The following DHX33 variants were observed in gnomAD, a reference collection of about 807,000 sequenced individuals.
DHX33 encodes the protein DEAH-box helicase 33.
DHX33 carries 42 observed loss-of-function variants against 72.5 expected under a neutral mutation model. The ratio of observed to expected loss-of-function variants is 0.58; its 90% CI spans 0.45 to 0.75. The LOEUF (loss-of-function observed/expected upper bound fraction) is 0.75. Ranked by LOEUF, DHX33 falls within the 30% of genes least tolerant of loss-of-function variation. The pLI is 0.00. For synonymous variants in DHX33, 358 were observed against 366.1 expected, an observed-to-expected ratio of 0.98 and a Z score of 0.25; for missense variants, 842 against 917.5, an observed-to-expected ratio of 0.92 and a Z score of 1.06.
At chr17:5,461,394 C>T (rs541898219) in intron 3 of DHX33, 13 of 187,540 alleles carry the variant, frequency 6.9e-5, no homozygotes, top group African/African-American at 9.4e-5. Context: ...CCGAGGCAGG[C>T]GGATCACGAG....
intron 5 of DHX33, 91 bp from the exon 6 acceptor site, chr17:5,455,362 C>T (rs1224874299): frequency 1.2e-5 from 12 of 1,011,538 alleles, no homozygotes; most frequent in Non-Finnish European, 1.7e-5. Context: ...TTCCACAATT[C>T]ACTCTTGACC....
At chr17:5,456,389 G>A (rs571234111) in intron 4 of DHX33, among the ~76,000 whole-genome samples, 5 of 152,364 alleles carry the variant, frequency 3.3e-5, no homozygotes, top group African/African-American at 1.2e-4. Context: ...GCTCACGCCT[G>A]TAAACCCAGC....
intron 11 of DHX33, 146 bp downstream of exon 11, chr17:5,448,663 T>G (rs986470121): frequency 8.1e-6 from 4 of 495,740 alleles, no homozygotes; most frequent in African/African-American, 2.0e-5. Context: ...ATTGTGGAAT[T>G]GTGGGTAACT....
chr17:5,446,186 G>A (rs1013540402), intron 11 of DHX33, among the ~76,000 whole-genome samples: 1 of 152,202 alleles, frequency 6.6e-6, no homozygotes, highest in Non-Finnish European at 1.5e-5. Context: ...TGTTGGTCAG[G>A]CTGATTTCGA....
intron 1 of DHX33, among the ~76,000 whole-genome samples, chr17:5,467,025 G>T (rs887680517): frequency 2.0e-5 from 3 of 152,174 alleles, no homozygotes; most frequent in African/African-American, 7.2e-5. Context: ...GGCCAGGTGC[G>T]GTGGCTCACG....
rs193164831 is a variant in DHX33 at position 5,447,548 on chromosome 17, C to T, written c.1815+1261G>A. Among the ~76,000 whole-genome samples the T allele has an allele frequency of 7.9e-5, 12 of 151,952 alleles. No individual in the cohort carries two copies. In the East Asian group the frequency reaches 1.7e-3, roughly 22 times the overall value. ...CTGAGGCAGGAGAATTGCTTGAACA[C>T]GGGAGGCAGAGGTTGTGGTGAGCCA... On this transcript the variant is annotated intron_variant, in intron 11 of 11. Coordinates refer to ENST00000225296, the MANE Select transcript of DHX33 (RefSeq NM_020162.4).
chr17:5,468,897 G>A lies in DHX33; in HGVS notation c.-38C>T. 6.5e-7 allele frequency: 1 copy of A among 1,547,776 alleles called. No individual in the cohort carries two copies. The highest frequency in any genetic ancestry group is 8.7e-7 in the Non-Finnish European group (1 of 1,146,052). On this transcript the variant is annotated 5_prime_UTR_variant, in exon 1 of 12. Coordinates refer to ENST00000225296, the MANE Select transcript of DHX33 (RefSeq NM_020162.4). ...CCGCGGCGGGAGGCGCAAGCGCCGA[G>A]AGCTCCTGCCCCCTCTCAGGTGCAG...
At position 5,443,399 on chromosome 17, in the gene DHX33, T is replaced by C. The variant is rs373321995; in HGVS notation, c.*806A>G. 6.6e-6 allele frequency: 1 copy of C among 152,146 alleles called. No individual in the cohort carries two copies. The highest frequency in any genetic ancestry group is 1.5e-5 in the Non-Finnish European group (1 of 68,040). 9.4% of individuals were successfully genotyped at this position (152,146 alleles called of 1,614,324 possible). A position where few individuals can be genotyped will look rare whatever the true frequency, so the allele number is the denominator to read the frequency against. ...AAAACACTGATAGGTCAGTTTCCCATGTCTACACGTGACAGGATTCAGAAG... is the reference window on the plus strand; with the variant it reads ...AAAACACTGATAGGTCAGTTTCCCACGTCTACACGTGACAGGATTCAGAAG... On this transcript the variant is annotated 3_prime_UTR_variant, in exon 12 of 12. Coordinates refer to ENST00000225296, the MANE Select transcript of DHX33 (RefSeq NM_020162.4).
chr17:5,452,407 G>A (rs1369157415), intron 8 of DHX33, among the ~76,000 whole-genome samples: 4 of 152,168 alleles, frequency 2.6e-5, no homozygotes, highest in Non-Finnish European at 1.5e-5. Context: ...GGGCATGGTG[G>A]TGCACACCTG....
Position 5,441,577 on chromosome 17 carries a change from A to G in DHX33, c.*2628T>C, listed in dbSNP as rs752666709. On this transcript the variant is annotated 3_prime_UTR_variant, in exon 12 of 12. Coordinates refer to ENST00000225296, the MANE Select transcript of DHX33 (RefSeq NM_020162.4). ...AACTTTCTTAAGTTTAAAGTGTACT[A>G]TCTCCTGCAGCTCAATATAAACAAC... The G allele has an allele frequency of 3.9e-5, 6 of 152,230 alleles. No homozygotes were observed. Among genetic ancestry groups the G allele is most frequent in the South Asian group, 2.1e-4 (1 of 4,828 alleles). The allele number at this position is 152,230 out of a possible 1,614,324, so 9.4% of individuals were successfully genotyped here. A position where few individuals can be genotyped will look rare whatever the true frequency, so the allele number is the denominator to read the frequency against.
intron 10 of DHX33, 109 bp downstream of exon 10, chr17:5,450,094 T>C: frequency 7.5e-7 from 1 of 1,342,122 alleles, no homozygotes; most frequent in South Asian, 1.3e-5. Context: ...TTTAGATAAT[T>C]TAGCCAAAAA....
Position 5,452,818 on chromosome 17 carries a change from G to C in DHX33, c.1396+762C>G, listed in dbSNP as rs147788624. Among the ~76,000 whole-genome samples, 569 of 152,306 alleles carry C rather than the reference G, an allele frequency of 3.7e-3. 6 individuals carry two copies. Among genetic ancestry groups the C allele is most frequent in the African/African-American group, 0.013 (551 of 41,560 alleles). ...AAGTCTACTAGAAAATGGTTCCAGT[G>C]GTTGTTCTAGGGGAAGGAAACTGTG... On this transcript the variant is annotated intron_variant, in intron 8 of 11. Transcript: ENST00000225296.
Position 5,468,459 on chromosome 17 carries a change from T to C in DHX33, c.289+112A>G, listed in dbSNP as rs1904977160. 3 of 1,350,820 alleles carry C rather than the reference T, an allele frequency of 2.2e-6. No individual in the cohort carries two copies. The South Asian group carries it at 4.3e-5, about 19-fold the overall frequency. The allele number at this position is 1,350,820 out of a possible 1,614,324, so 83.7% of individuals were successfully genotyped here. A position where few individuals can be genotyped will look rare whatever the true frequency, so the allele number is the denominator to read the frequency against. On this transcript the variant is annotated intron_variant, in intron 1 of 11. Transcript: ENST00000225296. ...CTCCAGGTCTGGCCCAGAAAAGGTA[T>C]TCAGGTTTGTTGAAGCCACGAACGA... is the stretch of plus-strand genomic sequence containing the variant.
Position 5,444,665 on chromosome 17 carries a change from C to A in DHX33, c.1816-152G>T. ...GGATTCTGACATTCGGAGGTGGTCACCAAGGATCAGCAAGGTCAGGGGAAG... is the reference window on the plus strand; with the variant it reads ...GGATTCTGACATTCGGAGGTGGTCAACAAGGATCAGCAAGGTCAGGGGAAG... On this transcript the variant is annotated intron_variant, in intron 11 of 11. Transcript: ENST00000225296. The surrounding 1 kb of genome is among the most constrained non-coding windows in gnomAD (Gnocchi z 4.9). The A allele has an allele frequency of 1.2e-6, 1 of 843,278 alleles. No individual in the cohort carries two copies. The highest frequency in any genetic ancestry group is 1.8e-6 in the Non-Finnish European group (1 of 553,566). The allele number at this position is 843,278 out of a possible 1,614,324, so 52.2% of individuals were successfully genotyped here.
chr17:5,464,925 A>G (rs953557026), intron 1 of DHX33, among the ~76,000 whole-genome samples: 2 of 152,188 alleles, frequency 1.3e-5, no homozygotes, highest in African/African-American at 4.8e-5. Context: ...CTGGCTGCAC[A>G]GTGGCCCTCC....
At chr17:5,465,334 T>A (rs999011449) in intron 1 of DHX33, among the ~76,000 whole-genome samples, 32 of 152,210 alleles carry the variant, frequency 2.1e-4, no homozygotes, top group African/African-American at 7.5e-4. Flanking sequence ...GACAAAGGAT[T>A]TGATTATTCT....
rs1916876807 is a variant in DHX33, at chr17:5,450,929, T to C, written c.1402A>G (p.Ile468Val). 6.2e-7 allele frequency: 1 copy of C among 1,613,860 alleles called. No individual in the cohort carries two copies. Among genetic ancestry groups the C allele is most frequent in the South Asian group, 1.1e-5 (1 of 91,010 alleles). The change falls in exon 9 of 12, where the codon ATT (isoleucine) becomes GTT (valine). Residue 468 changes from isoleucine to valine, a missense_variant. By Grantham distance (29) the Ile-to-Val change is conservative. Transcript: ENST00000225296. The part of the protein sequence containing the change: ...DFMSKPSPDH[I>V]QAAIAQLDLL... ...TCCAGTTGGGCAATGGCCGCCTGAA[T>C]GTGATCTAAAGAAACAGAGACATAA... is the stretch of plus-strand genomic sequence containing the variant.
At chr17:5,452,265 C>T (rs1261062080) in intron 8 of DHX33, among the ~76,000 whole-genome samples, 3 of 152,194 alleles carry the variant, frequency 2.0e-5, no homozygotes, top group African/African-American at 4.8e-5. Context: ...ACAGGCTGGG[C>T]GTGGTGGCTC....
chr17:5,468,589 C>T lies in DHX33; in HGVS notation c.271G>A (p.Asp91Asn), dbSNP rs758579042. 2 of 1,608,732 alleles carry T rather than the reference C, an allele frequency of 1.2e-6. No individual in the cohort carries two copies. Among genetic ancestry groups the T allele is most frequent in the Admixed American group, 1.7e-5 (1 of 59,560 alleles). ...GQLLAQLRNL[D>N]NAVLIGETGS... ...CACTCACCGATGAGGACCGCGTTGT[C>T]CAGGTTTCGGAGCTGGGCCAACAGT... Residue 91 changes from aspartate to asparagine, a missense_variant, in exon 1 of 12, where the codon GAC becomes AAC. Coordinates refer to ENST00000225296, the MANE Select transcript of DHX33 (RefSeq NM_020162.4).
Sources: gnomAD v4.1 joint callset for allele counts (sites outside exome capture counted in the v4.1 genomes callset) on GRCh38, gnomAD v4.1.1 for gene constraint, Gnocchi (gnomAD v3.1) non-coding constraint, MANE v1.5 for transcripts, NCBI Gene and HGNC (gene_info 2026-07-23, HGNC 2026-07-21) for gene names.